Variants in TMEM41B observed in about 807,000 individuals in gnomAD.
TMEM41B encodes protein stasimon.
TMEM41B carries 18 observed loss-of-function variants against 31.9 expected under a neutral mutation model. The ratio of observed to expected loss-of-function variants is 0.56; its 90% CI spans 0.39 to 0.84. The LOEUF is 0.84. Ranked by LOEUF, TMEM41B falls within the 40% of genes least tolerant of loss-of-function variation. The pLI is 0.00. For missense variants in TMEM41B, 322 were observed against 348.0 expected, an observed-to-expected ratio of 0.93 and a Z score of 0.59; for synonymous variants, 144 against 124.3, an observed-to-expected ratio of 1.16 and a Z score of -1.05.
intron 5 of TMEM41B, among the ~76,000 whole-genome samples, chr11:9,287,090 G>A (rs1004301950): frequency 6.6e-6 from 1 of 152,034 alleles, no homozygotes; most frequent in Non-Finnish European, 1.5e-5. Flanking sequence ...TGGGTCACCT[G>A]AGGTCTGGAG....
rs1852765758 is a variant in TMEM41B at position 9,283,400 on chromosome 11, A to G, written c.*24T>C. 5 of 1,588,602 alleles carry G rather than the reference A, an allele frequency of 3.1e-6. No homozygotes were observed. Among genetic ancestry groups the G allele is most frequent in the Non-Finnish European group, 4.3e-6 (5 of 1,166,392 alleles). On this transcript the variant is annotated 3_prime_UTR_variant, in exon 7 of 7. Coordinates refer to ENST00000528080, the MANE Select transcript of TMEM41B (RefSeq NM_015012.4). The stretch of plus-strand genomic sequence containing the variant: ...TAATCCTGAGATGGTGATGACAGCA[A>G]AACTAAAAATCAGATGATTATTTTT...
In TMEM41B at chr11:9,299,688, T is replaced by C. The variant is rs146587964; in HGVS notation, c.135A>G (p.Val45=). Residue 45 remains valine, a synonymous_variant, in exon 2 of 7, where the codon GTA becomes GTG. Transcript: ENST00000528080. The stretch of plus-strand genomic sequence containing the variant: ...GTGACATTCTTGCTGATCCAGCTTC[T>C]ACCCAGGATTTTTCTGGAAGAAAAA... ...SRDHQKEKSW[V]EAGSARMSLL... is the part of the protein sequence containing the mutation. 2.6e-5 allele frequency: 41 copies of C among 1,604,528 alleles called. No individual in the cohort carries two copies. In the African/African-American group the frequency reaches 3.0e-4, roughly 12 times the overall value.
intron 1 of TMEM41B, among the ~76,000 whole-genome samples, chr11:9,309,740 G>C (rs2133652276): frequency 6.6e-6 from 1 of 151,462 alleles, no homozygotes; most frequent in East Asian, 2.0e-4. Context: ...GGCTAACATG[G>C]TGAAACCCCA....
At chr11:9,291,695 G>A (rs973462964) in intron 3 of TMEM41B, among the ~76,000 whole-genome samples, 7 of 146,526 alleles carry the variant, frequency 4.8e-5, no homozygotes, top group African/African-American at 1.3e-4. Context: ...CACCACGCCC[G>A]GCCAATTCCT....
intron 3 of TMEM41B, among the ~76,000 whole-genome samples, chr11:9,290,296 G>A (rs10840200): frequency 0.4 from 60,833 of 152,014 alleles, 12,938 homozygotes; most frequent in East Asian, 0.49. Context: ...GGAATCGCTT[G>A]AACCCAGGAA....
chr11:9,308,856 T>C (rs1853463500), intron 1 of TMEM41B, among the ~76,000 whole-genome samples: 1 of 152,134 alleles, frequency 6.6e-6, no homozygotes, highest in Admixed American at 6.6e-5. Flanking sequence ...AGGACAAAGA[T>C]TCTCAAAATT....
intron 6 of TMEM41B, among the ~76,000 whole-genome samples, chr11:9,284,794 C>T (rs1423014318): frequency 7.0e-6 from 1 of 142,928 alleles, no homozygotes; most frequent in Non-Finnish European, 1.5e-5. Context: ...GAAACGTGCT[C>T]TGTTCTAGCA....
At chr11:9,297,678 G>A (rs952675171) in intron 2 of TMEM41B, among the ~76,000 whole-genome samples, 5 of 151,840 alleles carry the variant, frequency 3.3e-5, no homozygotes, top group Admixed American at 3.3e-4. Flanking sequence ...GCGACAGAGT[G>A]AGACTCTGTC....
chr11:9,292,579 C>A (rs1590376117), intron 3 of TMEM41B, among the ~76,000 whole-genome samples: 1 of 152,206 alleles, frequency 6.6e-6, no homozygotes, highest in East Asian at 1.9e-4. Context: ...AATCCCAGCA[C>A]CTTGGGAGGC....
rs776755486 is a variant in TMEM41B, at chr11:9,283,601, AAAATAT to A, written c.707-14_707-9del. Reference sequence around the variant, plus strand: ...AAGAAGGAGGTGCGACACCTGAAATAAAATATAAAAAGATACAGTAAAAACCACCGC... The same window carrying A: ...AAGAAGGAGGTGCGACACCTGAAATAAAAAAGATACAGTAAAAACCACCGC... On this transcript the variant is annotated splice_polypyrimidine_tract_variant and intron_variant, in intron 6 of 6. Coordinates refer to ENST00000528080, the MANE Select transcript of TMEM41B (RefSeq NM_015012.4). 12 of 1,595,814 alleles carry A rather than the reference AAAATAT, an allele frequency of 7.5e-6. No homozygotes were observed. The highest frequency in any genetic ancestry group is 9.4e-6 in the Non-Finnish European group (11 of 1,174,974).
At chr11:9,299,501 G>T in intron 2 of TMEM41B, 83 bp downstream of exon 2, 2 of 916,440 alleles carry the variant, frequency 2.2e-6, no homozygotes, top group Non-Finnish European at 3.4e-6. Context: ...GAGATTACAG[G>T]CATCAGCTAC....
Position 9,288,668 on chromosome 11 carries a change from A to G in TMEM41B, c.369-133T>C, listed in dbSNP as rs1852889419. On this transcript the variant is annotated intron_variant, in intron 3 of 6. Transcript: ENST00000528080. ...ATTATATCCAAAGGTCTAGCCTCTA[A>G]GTTGACCATTTACTAAACAGTATCA... is the stretch of plus-strand genomic sequence containing the variant. 5.0e-6 allele frequency: 3 copies of G among 601,204 alleles called. No individual in the cohort carries two copies. The East Asian group carries it at 9.5e-5, about 19-fold the overall frequency. The allele number at this position is 601,204 out of a possible 1,614,324, so 37.2% of individuals were successfully genotyped here.
chr11:9,286,305 A>G, intron 6 of TMEM41B, 150 bp downstream of exon 6: 1 of 719,228 alleles, frequency 1.4e-6, no homozygotes, highest in Non-Finnish European at 2.2e-6. Context: ...AACACTTCTG[A>G]GCATCTATTT....
At chr11:9,285,252 T>C (rs965339071) in intron 6 of TMEM41B, among the ~76,000 whole-genome samples, 3 of 152,112 alleles carry the variant, frequency 2.0e-5, no homozygotes, top group African/African-American at 7.2e-5. Context: ...ATTCAGCTAA[T>C]TTTTGAATTT....
chr11:9,308,125 T>C (rs1401897762), intron 1 of TMEM41B, among the ~76,000 whole-genome samples: 2 of 152,112 alleles, frequency 1.3e-5, no homozygotes, highest in East Asian at 3.9e-4. Context: ...GGTGGACACA[T>C]CACTTGAAGT....
At chr11:9,285,636 C>T (rs1852819619) in intron 6 of TMEM41B, among the ~76,000 whole-genome samples, 1 of 152,006 alleles carries the variant, frequency 6.6e-6, no homozygotes, top group Non-Finnish European at 1.5e-5. Flanking sequence ...GTATTATTTC[C>T]TTAAAAGCAA....
Position 9,287,707 on chromosome 11 carries a change from G to A in TMEM41B, c.562C>T (p.Gln188Ter). 1 of 1,606,230 alleles carries A rather than the reference G, an allele frequency of 6.2e-7. No individual in the cohort carries two copies. The highest frequency in any genetic ancestry group is 2.2e-5 in the East Asian group (1 of 44,810). ...YLTEKAVKWS[Q>*]QVERHREHLI... Reference sequence around the variant, plus strand: ...ATTTAAAAATACATGTTTACCTGCTGTGACCATTTTACTGCTTTCTCTGTT... The same window carrying A: ...ATTTAAAAATACATGTTTACCTGCTATGACCATTTTACTGCTTTCTCTGTT... The change falls in exon 5 of 7, where the codon CAG (glutamine) becomes TAG (stop). Residue 188 changes from glutamine (Q) to a stop codon, truncating the protein, a stop_gained. Coordinates refer to ENST00000528080, the MANE Select transcript of TMEM41B (RefSeq NM_015012.4). LOFTEE classifies it high-confidence loss of function.
intron 1 of TMEM41B, among the ~76,000 whole-genome samples, chr11:9,301,824 A>G (rs1853267773): frequency 6.6e-6 from 1 of 152,170 alleles, no homozygotes. Context: ...ACAGTAAGCC[A>G]AAGTGGTACG....
At position 9,314,309 on chromosome 11, in the gene TMEM41B, G is replaced by C. The variant is rs373249846; in HGVS notation, c.121+12C>G. The C allele has an allele frequency of 6.3e-7, 1 of 1,594,532 alleles. No individual in the cohort carries two copies. The highest frequency in any genetic ancestry group is 8.5e-7 in the Non-Finnish European group (1 of 1,175,980). On this transcript the variant is annotated intron_variant, in intron 1 of 6. Transcript: ENST00000528080. ...CGGGCCACCCCCAGCTCTGCTCCCC[G>C]GGCCCACTCACCCTTCTGGTGGTCT...
Sources: allele counts gnomAD v4.1 joint callset (sites outside exome capture counted in the v4.1 genomes callset), GRCh38; gene constraint gnomAD v4.1.1; transcripts MANE v1.5; gene names NCBI Gene and HGNC (gene_info 2026-07-23, HGNC 2026-07-21).